Variants in ITSN1 observed in about 807,000 individuals in gnomAD.
The protein encoded by ITSN1 is intersectin 1.
In ITSN1, 58 loss-of-function variants were observed where a neutral mutation model predicts 239.8. The ratio of observed to expected loss-of-function variants is 0.24; its 90% CI spans 0.20 to 0.30. The LOEUF (loss-of-function observed/expected upper bound fraction) is 0.30. Ranked by LOEUF, ITSN1 falls within the 10% of genes least tolerant of loss-of-function variation. The probability of loss-of-function intolerance (pLI) is 1.00; values close to 1 mark genes in which losing one functional copy is unlikely to be tolerated. For synonymous variants in ITSN1, 780 were observed against 770.8 expected, an observed-to-expected ratio of 1.01 and a Z score of -0.20; for missense variants, 1,558 against 2,103.3, an observed-to-expected ratio of 0.74 and a Z score of 5.07.
chr21:33,784,437 G>A, intron 16 of ITSN1, among the ~76,000 whole-genome samples: 1 of 151,982 alleles, frequency 6.6e-6, no homozygotes, highest in East Asian at 1.9e-4. Context: ...TGGGAGGTTG[G>A]GGCTGCAGTG....
At chr21:33,830,884 T>C (rs1197973600) in intron 27 of ITSN1, among the ~76,000 whole-genome samples, 2 of 130,748 alleles carry the variant, frequency 1.5e-5, no homozygotes, top group Admixed American at 1.6e-4. Context: ...AAAAAAGAAC[T>C]TGCAGAGAAG....
intron 20 of ITSN1, 141 bp downstream of exon 20, chr21:33,802,585 G>A: frequency 5.4e-6 from 4 of 741,794 alleles, no homozygotes; most frequent in Non-Finnish European, 8.9e-6. Context: ...GTAGTAGGTT[G>A]TGCTTTTTAA....
At chr21:33,646,322 C>T (rs2146055110) in intron 1 of ITSN1, among the ~76,000 whole-genome samples, 1 of 152,282 alleles carries the variant, frequency 6.6e-6, no homozygotes, top group South Asian at 2.1e-4. Context: ...AAATTTAAGT[C>T]ACAGTGTAGT....
At chr21:33,812,770 A>G (rs999461593) in intron 21 of ITSN1, among the ~76,000 whole-genome samples, 3 of 152,202 alleles carry the variant, frequency 2.0e-5, no homozygotes, top group East Asian at 3.9e-4. Context: ...AAGCGCTGGG[A>G]TTAGAGGTAT....
intron 26 of ITSN1, 98 bp downstream of exon 26, chr21:33,826,961 AAG>A: frequency 1.0e-6 from 1 of 987,038 alleles, no homozygotes; most frequent in South Asian, 1.3e-5. Flanking sequence ...CTAAAATAAA[AAG>A]AATCTTTCCT....
intron 5 of ITSN1, among the ~76,000 whole-genome samples, chr21:33,747,349 A>AC (rs1440362815): frequency 2.0e-5 from 3 of 152,198 alleles, no homozygotes; most frequent in Non-Finnish European, 4.4e-5. Context: ...ATGGAACAAG[A>AC]CCAAGTTTAC....
At chr21:33,659,705 CTTTTTTTTTTTT>C (rs71194859) in intron 1 of ITSN1, among the ~76,000 whole-genome samples, 1 of 76,606 alleles carries the variant, frequency 1.3e-5, no homozygotes, top group Non-Finnish European at 2.3e-5. Context: ...GCAGCCTGTA[CTTTTTTTTTTTT>C]TTTTTTTTTT....
intron 16 of ITSN1, among the ~76,000 whole-genome samples, chr21:33,784,413 G>GA (rs1176574703): frequency 2.6e-5 from 4 of 152,022 alleles, no homozygotes; most frequent in African/African-American, 9.7e-5. Flanking sequence ...TGAGGTCAGA[G>GA]AATCACTTGA....
chr21:33,687,070 C>G, intron 1 of ITSN1, among the ~76,000 whole-genome samples: 1 of 152,070 alleles, frequency 6.6e-6, no homozygotes, highest in Non-Finnish European at 1.5e-5. Flanking sequence ...GTGGCCCATG[C>G]CTGTAATCCC....
chr21:33,817,299 G>A (rs754466939), intron 22 of ITSN1: 45 of 1,304,148 alleles, frequency 3.5e-5, no homozygotes, highest in Non-Finnish European at 4.1e-5. Flanking sequence ...TTCTCTTCCC[G>A]GACCCCCTGC....
intron 1 of ITSN1, among the ~76,000 whole-genome samples, chr21:33,700,918 G>A (rs935752015): frequency 2.0e-5 from 3 of 151,350 alleles, no homozygotes; most frequent in African/African-American, 7.3e-5. Context: ...TCTGGACTAT[G>A]TATTAGTAGT....
intron 34 of ITSN1, among the ~76,000 whole-genome samples, chr21:33,876,223 C>T (rs1485416939): frequency 9.5e-5 from 3 of 31,558 alleles, no homozygotes; most frequent in Non-Finnish European, 1.2e-4. Context: ...TTCTTTTTCT[C>T]TTTCTTTCCT....
chr21:33,758,032 C>T (rs1040587274), intron 8 of ITSN1, among the ~76,000 whole-genome samples: 1 of 151,930 alleles, frequency 6.6e-6, no homozygotes, highest in African/African-American at 2.4e-5. Context: ...GTGCATGCAC[C>T]ACCACACCTG....
chr21:33,849,894 T>G (rs1360510613), intron 29 of ITSN1, among the ~76,000 whole-genome samples: 2 of 152,164 alleles, frequency 1.3e-5, no homozygotes, highest in African/African-American at 2.4e-5. Flanking sequence ...CCAGTCTGCC[T>G]TTGTACCCAA....
intron 24 of ITSN1, 100 bp from the exon 25 acceptor site, chr21:33,823,387 T>A: frequency 9.6e-7 from 1 of 1,039,930 alleles, no homozygotes; most frequent in Non-Finnish European, 1.4e-6. Context: ...GAATGGATCT[T>A]GTCCTAACTT....
intron 1 of ITSN1, among the ~76,000 whole-genome samples, chr21:33,664,314 C>T (rs760695193): frequency 3.3e-5 from 5 of 152,060 alleles, no homozygotes; most frequent in African/African-American, 4.8e-5. Flanking sequence ...AGCTTGGTGC[C>T]GCTGCTGTGC....
intron 24 of ITSN1, among the ~76,000 whole-genome samples, chr21:33,819,939 G>A (rs1012828703): frequency 2.0e-5 from 3 of 152,016 alleles, no homozygotes; most frequent in African/African-American, 4.8e-5. Flanking sequence ...CCGAGATTGC[G>A]CCACTGCAGT....
At chr21:33,829,078 G>A (rs930874819) in intron 26 of ITSN1, 9 of 450,640 alleles carry the variant, frequency 2.0e-5, no homozygotes, top group South Asian at 6.4e-5. Flanking sequence ...AGGCTGTGTC[G>A]TTGGGAGTGA....
At chr21:33,858,624 G>C (rs554750063) in intron 30 of ITSN1, 62 bp from the exon 31 acceptor site, 8 of 1,032,304 alleles carry the variant, frequency 7.7e-6, no homozygotes, top group South Asian at 4.0e-5. Context: ...GCGGATCGGC[G>C]TGTGAGTGTG....
Sources: allele counts gnomAD v4.1 joint callset (sites outside exome capture counted in the v4.1 genomes callset), GRCh38; gene constraint gnomAD v4.1.1; transcripts MANE v1.5; gene names NCBI Gene and HGNC (gene_info 2026-07-23, HGNC 2026-07-21).